Variants in RAB9B observed in about 807,000 individuals in gnomAD.
The protein encoded by RAB9B is ras-related protein Rab-9B.
In RAB9B, 1 loss-of-function variant was observed where a neutral mutation model predicts 8.9. The observed-to-expected ratio is 0.11, with a 90% CI of 0.04 to 0.53. The LOEUF (loss-of-function observed/expected upper bound fraction) is 0.53, where lower values mean the gene tolerates loss of function less well. RAB9B is among the 20% of genes least tolerant of loss of function. The pLI is 0.93. For synonymous variants in RAB9B, 63 were observed against 57.0 expected, an observed-to-expected ratio of 1.10 and a Z score of -0.47; for missense variants, 82 against 152.9, an observed-to-expected ratio of 0.54 and a Z score of 2.45.
chrX:103,780,960 T>C, the RAB9B span: 2 of 145,912 alleles, frequency 1.4e-5, no homozygotes. Flanking sequence ...GTAGTGCAGA[T>C]TCGAGACCTA....
At chrX:103,787,959 A>G in the RAB9B span, 50 of 1,204,802 alleles carry the variant, frequency 4.2e-5, no homozygotes, top group Non-Finnish European at 2.2e-5. Flanking sequence ...CTGATGCCAG[A>G]ATGTATGGTG....
At chrX:103,778,206 C>A in the RAB9B span, among the ~76,000 whole-genome samples, 1 of 112,445 alleles carries the variant, frequency 8.9e-6, no homozygotes. Context: ...ACTTTGTCTA[C>A]TTTCAGGGTT....
At chrX:103,806,227 TTACAGA>T in the RAB9B span, among the ~76,000 whole-genome samples, 2 of 111,542 alleles carry the variant, frequency 1.8e-5, no homozygotes, top group African/African-American at 3.3e-5. Context: ...ATATAGGTAC[TTACAGA>T]TACAGTATAA....
the RAB9B span, chrX:103,790,784 C>T: frequency 2.1e-6 from 1 of 466,003 alleles, no homozygotes; most frequent in Non-Finnish European, 3.8e-6. Flanking sequence ...CTCTTATGTA[C>T]CTCTTTTAGT....
chrX:103,815,967 G>T, the RAB9B span, among the ~76,000 whole-genome samples: 1 of 111,809 alleles, frequency 8.9e-6, no homozygotes, highest in Non-Finnish European at 1.9e-5. Context: ...CACGCACATG[G>T]ATATGAAGAA....
At chrX:103,809,909 T>A in the RAB9B span, among the ~76,000 whole-genome samples, 1 of 110,481 alleles carries the variant, frequency 9.1e-6, no homozygotes, top group Non-Finnish European at 1.9e-5. Flanking sequence ...GGACTGCAAG[T>A]ATGTGCCACT....
chrX:103,823,315 G>C lies in RAB9B; in HGVS notation c.*1864C>G, dbSNP rs1009527505. On this transcript the variant is annotated 3_prime_UTR_variant, in exon 3 of 3. Coordinates refer to ENST00000243298, the MANE Select transcript of RAB9B (RefSeq NM_016370.4). Reference sequence around the variant, plus strand: ...GCTGTGGGGTCCCAGTTCTGGCTTTGACTTCTGGCGTCAAAGTTAATTGAA... The same window carrying C: ...GCTGTGGGGTCCCAGTTCTGGCTTTCACTTCTGGCGTCAAAGTTAATTGAA... The C allele has an allele frequency of 2.7e-5, 3 of 111,923 alleles. No homozygotes were observed. Among genetic ancestry groups the C allele is most frequent in the Non-Finnish European group, 5.6e-5 (3 of 53,220 alleles). 9.2% of individuals were successfully genotyped at this position (111,923 alleles called of 1,213,427 possible).
the RAB9B span, chrX:103,788,720 C>T: frequency 2.3e-6 from 1 of 432,303 alleles, no homozygotes; most frequent in Non-Finnish European, 4.1e-6. Context: ...AGAAAGACTT[C>T]CTTTCCAACC....
At chrX:103,792,812 A>G in the RAB9B span, among the ~76,000 whole-genome samples, 2 of 112,281 alleles carry the variant, frequency 1.8e-5, no homozygotes, top group African/African-American at 6.5e-5. Context: ...AAGCAAAGTA[A>G]TTTGCCCAAA....
chrX:103,780,437 C>CTGTGTGTGTG, the RAB9B span, among the ~76,000 whole-genome samples: 25 of 87,877 alleles, frequency 2.8e-4, no homozygotes, highest in Non-Finnish European at 4.0e-4. Flanking sequence ...TTCTGTCTCT[C>CTGTGTGTGTG]TCTGTGTGTG....
chrX:103,811,685 T>A, the RAB9B span, among the ~76,000 whole-genome samples: 7 of 105,354 alleles, frequency 6.6e-5, no homozygotes, highest in Non-Finnish European at 1.4e-4. Flanking sequence ...CAAAGAGCCA[T>A]GCCATCACAA....
intron 1 of RAB9B, among the ~76,000 whole-genome samples, chrX:103,828,078 C>G (rs1184546976): frequency 1.8e-5 from 2 of 111,465 alleles, no homozygotes; most frequent in African/African-American, 6.5e-5. Context: ...TAAGCAGCAT[C>G]AAGAGTACTG....
the RAB9B span, among the ~76,000 whole-genome samples, chrX:103,802,381 A>G: frequency 9.0e-6 from 1 of 111,495 alleles, no homozygotes; most frequent in Non-Finnish European, 1.9e-5. Flanking sequence ...TGAGGTTCAA[A>G]TTAAACAAAC....
At chrX:103,827,311 A>AT (rs1173990744) in intron 1 of RAB9B, among the ~76,000 whole-genome samples, 1 of 111,799 alleles carries the variant, frequency 8.9e-6, no homozygotes, top group Admixed American at 9.5e-5. Context: ...AATTTATATA[A>AT]TTTTTTACAT....
chrX:103,799,021 AAT>A, the RAB9B span, among the ~76,000 whole-genome samples: 1 of 107,531 alleles, frequency 9.3e-6, no homozygotes, highest in Non-Finnish European at 1.9e-5. Flanking sequence ...TGTTACTTTA[AAT>A]ATATATATAT....
chrX:103,825,047 G>T lies in RAB9B; in HGVS notation c.*132C>A. Reference sequence around the variant, plus strand: ...AATCAATCTACACTTCAATTTGAAAGGCTCTGTTTCACAATCAGAACCTTG... The same window carrying T: ...AATCAATCTACACTTCAATTTGAAATGCTCTGTTTCACAATCAGAACCTTG... On this transcript the variant is annotated 3_prime_UTR_variant, in exon 3 of 3. Transcript: ENST00000243298. The T allele has an allele frequency of 1.5e-6, 1 of 673,816 alleles. No individual in the cohort carries two copies. The highest frequency in any genetic ancestry group is 2.2e-6 in the Non-Finnish European group (1 of 459,503). The allele number at this position is 673,816 out of a possible 1,213,427, so 55.5% of individuals were successfully genotyped here. A position where few individuals can be genotyped will look rare whatever the true frequency, so the allele number is the denominator to read the frequency against.
chrX:103,821,352 CAAAAA>C (rs72322529), downstream of RAB9B, among the ~76,000 whole-genome samples: 1 of 90,942 alleles, frequency 1.1e-5, no homozygotes. Flanking sequence ...GTACATGTGG[CAAAAA>C]AAAAAAAAAA....
chrX:103,793,858 G>A, the RAB9B span, among the ~76,000 whole-genome samples: 1 of 112,142 alleles, frequency 8.9e-6, no homozygotes, highest in African/African-American at 3.2e-5. Context: ...TCAAGATGCA[G>A]CAGTATAAAC....
chrX:103,817,400 G>A (rs920178306), downstream of RAB9B, among the ~76,000 whole-genome samples: 1 of 110,464 alleles, frequency 9.1e-6, no homozygotes, highest in African/African-American at 3.3e-5. Context: ...TGGACACAGG[G>A]AGGGGAACAT....
Sources: allele counts gnomAD v4.1 joint callset (sites outside exome capture counted in the v4.1 genomes callset), GRCh38; gene constraint gnomAD v4.1.1; transcripts MANE v1.5; gene names NCBI Gene and HGNC (gene_info 2026-07-23, HGNC 2026-07-21).